Variants in SERINC3 observed in about 807,000 individuals in gnomAD.
The protein encoded by SERINC3 is tumor differentially expressed protein 1.
In SERINC3, 22 loss-of-function variants were observed where a neutral mutation model predicts 52.1. The observed-to-expected ratio is 0.42, with a 90% CI of 0.30 to 0.60. The LOEUF is 0.60. SERINC3 is among the 20% of genes least tolerant of loss of function. The pLI, the probability that SERINC3 is intolerant of heterozygous loss-of-function variation, is 0.16. For synonymous variants in SERINC3, 226 were observed against 212.7 expected (o/e 1.06, Z -0.54); for missense variants, 564 against 584.6 (o/e 0.96, Z 0.36).
In SERINC3 at chr20:44,500,257, C is replaced by G. The variant is rs1349567643; in HGVS notation, c.*39G>C. 1 of 1,590,424 alleles carries G rather than the reference C, an allele frequency of 6.3e-7. No homozygotes were observed. Among genetic ancestry groups the G allele is most frequent in the South Asian group, 1.1e-5 (1 of 88,028 alleles). The stretch of plus-strand genomic sequence containing the variant: ...GTATATGGGTTTTCGGTGAAGGAGA[C>G]CTTTGTGAGTTCCAGTGGTGTCCTT... On this transcript the variant is annotated 3_prime_UTR_variant, in exon 10 of 10. Transcript: ENST00000342374.
intron 1 of SERINC3, among the ~76,000 whole-genome samples, chr20:44,515,591 C>G (rs541443190): frequency 2.6e-5 from 4 of 151,582 alleles, no homozygotes; most frequent in African/African-American, 9.7e-5. Flanking sequence ...TTTAGGGCGA[C>G]GAACTAGACA....
At chr20:44,517,468 T>C (rs780433935) in intron 1 of SERINC3, among the ~76,000 whole-genome samples, 2 of 152,158 alleles carry the variant, frequency 1.3e-5, no homozygotes, top group Non-Finnish European at 2.9e-5. Flanking sequence ...TCAATATAAC[T>C]GTGTCCTTAT....
At chr20:44,520,418 T>A (rs1048969407) in intron 1 of SERINC3, among the ~76,000 whole-genome samples, 10 of 152,030 alleles carry the variant, frequency 6.6e-5, no homozygotes, top group African/African-American at 2.2e-4. Context: ...ATATTAATAG[T>A]AGCCATAAAA....
Position 44,518,157 on chromosome 20 carries a change from G to A in SERINC3, c.39+3756C>T, listed in dbSNP as rs950919110. Among the ~76,000 whole-genome samples the A allele has an allele frequency of 2.1e-4, 32 of 151,912 alleles. 1 individual carries two copies. Among genetic ancestry groups the A allele is most frequent in the African/African-American group, 7.5e-4 (31 of 41,362 alleles). On this transcript the variant is annotated intron_variant, in intron 1 of 9. Transcript: ENST00000342374. ...AAAGTTCCCATCTCACAGCTGTAGC[G>A]ACCCATTCAGAAGCTCTGAGTTGGC...
chr20:44,497,932 T>C lies in SERINC3; in HGVS notation c.*2364A>G, dbSNP rs766663127. 3 of 152,222 alleles carry C rather than the reference T, an allele frequency of 2.0e-5. No homozygotes were observed. Among genetic ancestry groups the C allele is most frequent in the Non-Finnish European group, 2.9e-5 (2 of 68,042 alleles). The allele number at this position is 152,222 out of a possible 1,614,324, so 9.4% of individuals were successfully genotyped here. ...GTCAGTGCTATGTCAGTGCTAAAAA[T>C]GGGTTACACTTTGCAAAATAACTTT... On this transcript the variant is annotated 3_prime_UTR_variant, in exon 10 of 10. Coordinates refer to ENST00000342374, the MANE Select transcript of SERINC3 (RefSeq NM_006811.4).
At chr20:44,516,054 A>C (rs923450247) in intron 1 of SERINC3, among the ~76,000 whole-genome samples, 2 of 152,122 alleles carry the variant, frequency 1.3e-5, no homozygotes, top group Non-Finnish European at 1.5e-5. Flanking sequence ...CTGTAATCCC[A>C]GCACTTTGGG....
intron 1 of SERINC3, among the ~76,000 whole-genome samples, chr20:44,515,089 C>T (rs2064371866): frequency 6.6e-6 from 1 of 152,182 alleles, no homozygotes; most frequent in Non-Finnish European, 1.5e-5. Context: ...TGCGGCAGCT[C>T]ACACCTGTAA....
chr20:44,500,613 TA>T (rs2064273807), intron 9 of SERINC3, among the ~76,000 whole-genome samples, 179 bp from the exon 10 acceptor site: 1 of 152,218 alleles, frequency 6.6e-6, no homozygotes, highest in African/African-American at 2.4e-5. Flanking sequence ...GACCAAGAAC[TA>T]AACAGCTCAT....
At position 44,515,662 on chromosome 20, in the gene SERINC3, T is replaced by A. The variant is rs182233968; in HGVS notation, c.40-1622A>T. On this transcript the variant is annotated intron_variant, in intron 1 of 9. Transcript: ENST00000342374. ...ATGCCACTATACGCTTTTTTATTTT[T>A]TTTTTTTTGAGACAGTCTCACTCTG... Among the ~76,000 whole-genome samples, 790 of 151,956 alleles carry A rather than the reference T, an allele frequency of 5.2e-3. 3 individuals are homozygous for A. Among genetic ancestry groups the A allele is most frequent in the African/African-American group, 0.017 (709 of 41,452 alleles).
At chr20:44,520,717 C>A (rs1310504176) in intron 1 of SERINC3, among the ~76,000 whole-genome samples, 1 of 152,088 alleles carries the variant, frequency 6.6e-6, no homozygotes, top group Non-Finnish European at 1.5e-5. Flanking sequence ...GGCAATATAC[C>A]CATGTAACAA....
At chr20:44,511,152 G>T in intron 4 of SERINC3, 137 bp downstream of exon 4, 2 of 600,304 alleles carry the variant, frequency 3.3e-6, no homozygotes, top group South Asian at 2.2e-5. Flanking sequence ...GACCTCAGGT[G>T]ATCCGCCCGT....
intron 2 of SERINC3, 93 bp from the exon 3 acceptor site, chr20:44,513,087 T>G (rs2064358785): frequency 1.3e-6 from 1 of 764,012 alleles, no homozygotes; most frequent in Admixed American, 3.4e-5. Flanking sequence ...GAAAATTAAC[T>G]ACTTCAACAA....
intron 1 of SERINC3, among the ~76,000 whole-genome samples, chr20:44,518,425 C>G (rs1257966385): frequency 6.6e-6 from 1 of 151,352 alleles, no homozygotes; most frequent in Non-Finnish European, 1.5e-5. Context: ...AAAAAAAAAG[C>G]CTTCTGGGAG....
At chr20:44,516,870 T>A (rs1196575904) in intron 1 of SERINC3, among the ~76,000 whole-genome samples, 1 of 152,058 alleles carries the variant, frequency 6.6e-6, no homozygotes, top group East Asian at 1.9e-4. Context: ...ATAATTTGAG[T>A]CATTATGCTT....
rs1324116154 is a variant in SERINC3 at position 44,514,096 on chromosome 20, C to T, written c.40-56G>A. 5.2e-6 allele frequency: 8 copies of T among 1,532,110 alleles called. No homozygotes were observed. In the Admixed American group the frequency reaches 6.1e-5, roughly 12 times the overall value. The allele number at this position is 1,532,110 out of a possible 1,614,324, so 94.9% of individuals were successfully genotyped here. On this transcript the variant is annotated intron_variant, in intron 1 of 9. Transcript: ENST00000342374. ...CCGCCTTCAGTATACTCCTTTATGA[C>T]ACAGATGTCGCAGAAGAGAAAGCGA...
rs375598817 is a variant in SERINC3 at position 44,506,005 on chromosome 20, T to A, written c.783+822A>T. Reference sequence around the variant, plus strand: ...CTAAAATATCTTGGCTAATGACTCATAAGAATCATTCCCAGCCACATGCGG... The same window carrying A: ...CTAAAATATCTTGGCTAATGACTCAAAAGAATCATTCCCAGCCACATGCGG... On this transcript the variant is annotated intron_variant, in intron 6 of 9. Transcript: ENST00000342374. 7.9e-5 allele frequency among the ~76,000 whole-genome samples: 12 copies of A among 152,108 alleles called. 1 individual carries two copies. The highest frequency in any genetic ancestry group is 1.9e-4 in the East Asian group (1 of 5,152).
At chr20:44,512,766 C>A in intron 3 of SERINC3, 35 bp downstream of exon 3, 1 of 1,506,146 alleles carries the variant, frequency 6.6e-7, no homozygotes, top group South Asian at 1.3e-5. Flanking sequence ...AGAGCCACAC[C>A]ATAATGTAAC....
chr20:44,509,793 C>G, intron 5 of SERINC3, 98 bp downstream of exon 5: 1 of 1,330,372 alleles, frequency 7.5e-7, no homozygotes, highest in Non-Finnish European at 1.1e-6. Context: ...GACTTCTGTC[C>G]CTGAGGACTA....
chr20:44,518,318 CAA>C (rs3091899), intron 1 of SERINC3, among the ~76,000 whole-genome samples: 3,732 of 87,602 alleles, frequency 0.043, 124 homozygotes, highest in African/African-American at 0.12. Flanking sequence ...AAATTAGCCT[CAA>C]AAAAAAAAAA....
Sources: gnomAD v4.1 joint callset for allele counts (sites outside exome capture counted in the v4.1 genomes callset) on GRCh38, gnomAD v4.1.1 for gene constraint, MANE v1.5 for transcripts, NCBI Gene and HGNC (gene_info 2026-07-23, HGNC 2026-07-21) for gene names.